KIAA0825: variants seen among roughly 807,000 people sequenced by gnomAD.
KIAA0825 encodes KIAA0825, also known as uncharacterized protein KIAA0825.
KIAA0825 carries 119 observed loss-of-function variants against 147.6 expected under a neutral mutation model. The ratio of observed to expected loss-of-function variants is 0.81; its 90% confidence interval spans 0.69 to 0.94. The LOEUF (loss-of-function observed/expected upper bound fraction) is 0.94, where lower values mean the gene tolerates loss of function less well. KIAA0825 is among the 40% of genes least tolerant of loss of function. The pLI, the probability that KIAA0825 is intolerant of heterozygous loss-of-function variation, is 0.00. For synonymous variants in KIAA0825, 470 were observed against 518.1 expected, an observed-to-expected ratio of 0.91 and a Z score of 1.26; for missense variants, 1,381 against 1,472.7, an observed-to-expected ratio of 0.94 and a Z score of 1.02.
chr5:94,396,485 G>A lies in KIAA0825; in HGVS notation c.2912C>T (p.Ala971Val). The change falls in exon 17 of 21, where the codon GCA becomes GTA. Residue 971 changes from alanine to valine, a missense_variant. Ala to Val is a moderately conservative substitution (Grantham distance 64). Coordinates refer to ENST00000682413, the MANE Select transcript of KIAA0825 (RefSeq NM_001145678.3). Reference sequence around the variant, plus strand: ...TAACTTGCTGATTACAATAGATACTGCCTGAGCAGTAAGCCTTGTGAAGCC... The same window carrying A: ...TAACTTGCTGATTACAATAGATACTACCTGAGCAGTAAGCCTTGTGAAGCC... Reference protein sequence around the residue: ...CKSFTRLTAQAVSIVISKLPT... With the variant: ...CKSFTRLTAQVVSIVISKLPT... 6.7e-7 allele frequency: 1 copy of A among 1,501,596 alleles called. No individual in the cohort carries two copies. The highest frequency in any genetic ancestry group is 8.9e-7 in the Non-Finnish European group (1 of 1,126,778). 93.0% of individuals were successfully genotyped at this position (1,501,596 alleles called of 1,614,324 possible). A position where few individuals can be genotyped will look rare whatever the true frequency, so the allele number is the denominator to read the frequency against.
rs1290132616 is a variant in KIAA0825, at chr5:94,224,625, G to A, written c.3711-70501C>T. 3.3e-5 allele frequency among the ~76,000 whole-genome samples: 5 copies of A among 152,222 alleles called. No homozygotes were observed. The East Asian group carries it at 5.8e-4, about 18-fold the overall frequency. ...AAATGTTTTTGATAATTAAGGATTC[G>A]TTGTATATATAGGAGTAAGTAATTT... is the stretch of plus-strand genomic sequence containing the variant. On this transcript the variant is annotated intron_variant, in intron 20 of 20. Coordinates refer to ENST00000682413, the MANE Select transcript of KIAA0825 (RefSeq NM_001145678.3).
At chr5:94,503,437 G>T (rs535616129) in intron 5 of KIAA0825, among the ~76,000 whole-genome samples, 88 of 152,200 alleles carry the variant, frequency 5.8e-4, no homozygotes, top group South Asian at 4.4e-3. Context: ...AAATGCTCCT[G>T]GTTACATTTT....
intron 20 of KIAA0825, among the ~76,000 whole-genome samples, chr5:94,252,036 G>A (rs1054056589): frequency 2.0e-5 from 3 of 151,942 alleles, no homozygotes; most frequent in Non-Finnish European, 2.9e-5. Flanking sequence ...AAAGCAATAT[G>A]ACTATTTGAA....
intron 11 of KIAA0825, among the ~76,000 whole-genome samples, chr5:94,463,112 A>T (rs9314113): frequency 1.3e-5 from 2 of 151,562 alleles, no homozygotes; most frequent in African/African-American, 4.8e-5. Flanking sequence ...TTTAATATTA[A>T]ATAAATTTGT....
chr5:94,500,883 T>C (rs1291207224), intron 5 of KIAA0825, among the ~76,000 whole-genome samples: 11 of 152,186 alleles, frequency 7.2e-5, no homozygotes, highest in Admixed American at 7.2e-4. Flanking sequence ...GTTCAAGCAA[T>C]TCCCCTGCCT....
chr5:94,192,437 T>A (rs1770754236), intron 20 of KIAA0825, among the ~76,000 whole-genome samples: 1 of 152,216 alleles, frequency 6.6e-6, no homozygotes, highest in South Asian at 2.1e-4. Flanking sequence ...TTTCTGATAA[T>A]CTAATTTTCT....
intron 20 of KIAA0825, among the ~76,000 whole-genome samples, chr5:94,302,983 AAAG>A (rs1293141434): frequency 2.6e-5 from 4 of 152,206 alleles, no homozygotes; most frequent in East Asian, 1.9e-4. Context: ...TTACTTTTAA[AAAG>A]AAGATGTTCA....
intron 20 of KIAA0825, among the ~76,000 whole-genome samples, chr5:94,334,008 T>A (rs989130203): frequency 6.6e-6 from 1 of 152,134 alleles, no homozygotes; most frequent in East Asian, 1.9e-4. Context: ...ATCAATATCA[T>A]GAAAATGGCC....
chr5:94,325,671 A>G (rs1780612493), intron 20 of KIAA0825, among the ~76,000 whole-genome samples: 1 of 151,996 alleles, frequency 6.6e-6, no homozygotes, highest in Non-Finnish European at 1.5e-5. Flanking sequence ...CCTGTAATAC[A>G]TACAATAGAG....
At chr5:94,172,333 G>C (rs962647267) in intron 20 of KIAA0825, among the ~76,000 whole-genome samples, 9 of 152,172 alleles carry the variant, frequency 5.9e-5, no homozygotes, top group African/African-American at 1.9e-4. Context: ...AGAACTATCA[G>C]TTTTGCAAAA....
intron 10 of KIAA0825, among the ~76,000 whole-genome samples, chr5:94,468,736 C>T (rs897983697): frequency 6.8e-6 from 1 of 147,374 alleles, no homozygotes; most frequent in Admixed American, 6.8e-5. Flanking sequence ...AATCAAACCA[C>T]AGGAACCTTC....
intron 15 of KIAA0825, among the ~76,000 whole-genome samples, chr5:94,411,358 T>G (rs1458222504): frequency 2.0e-5 from 3 of 152,104 alleles, no homozygotes; most frequent in Non-Finnish European, 4.4e-5. Context: ...AGTATCAAAA[T>G]AGAGAGTCCA....
At chr5:94,536,914 G>C (rs1772143686) in intron 3 of KIAA0825, 82 bp downstream of exon 3, 1 of 927,488 alleles carries the variant, frequency 1.1e-6, no homozygotes, top group East Asian at 2.6e-5. Flanking sequence ...AATTATCTAA[G>C]AGCAGGATAC....
intron 20 of KIAA0825, among the ~76,000 whole-genome samples, chr5:94,283,522 A>G (rs1227436992): frequency 1.3e-5 from 2 of 152,122 alleles, no homozygotes; most frequent in Non-Finnish European, 2.9e-5. Flanking sequence ...TAATAAAGTC[A>G]CTAAAAATAG....
chr5:94,494,785 A>G (rs542006315), intron 5 of KIAA0825, among the ~76,000 whole-genome samples: 7 of 152,292 alleles, frequency 4.6e-5, no homozygotes, highest in African/African-American at 1.7e-4. Flanking sequence ...CTCAGTTAAC[A>G]ATTCATTTTT....
At chr5:94,463,495 A>G (rs2150958420) in intron 11 of KIAA0825, among the ~76,000 whole-genome samples, 1 of 151,158 alleles carries the variant, frequency 6.6e-6, no homozygotes, top group Admixed American at 6.6e-5. Flanking sequence ...AATAGCCTTT[A>G]TAAACGTTTA....
At chr5:94,300,347 T>C (rs1177902016) in intron 20 of KIAA0825, among the ~76,000 whole-genome samples, 4 of 152,122 alleles carry the variant, frequency 2.6e-5, no homozygotes, top group Non-Finnish European at 5.9e-5. Flanking sequence ...TCCAAAAGCA[T>C]ATACATTTTA....
chr5:94,324,789 C>T (rs1322473401), intron 20 of KIAA0825, among the ~76,000 whole-genome samples: 1 of 151,406 alleles, frequency 6.6e-6, no homozygotes, highest in Non-Finnish European at 1.5e-5. Flanking sequence ...TACCTATATA[C>T]CTTTATTCAT....
intron 5 of KIAA0825, among the ~76,000 whole-genome samples, chr5:94,517,893 TAA>T (rs1045324802): frequency 4.1e-4 from 62 of 152,198 alleles, no homozygotes; most frequent in Non-Finnish European, 8.1e-4. Context: ...GTCAGACAGA[TAA>T]GTTTGAATCC....
Sources: allele counts gnomAD v4.1 joint callset (sites outside exome capture counted in the v4.1 genomes callset), GRCh38; gene constraint gnomAD v4.1.1; transcripts MANE v1.5; gene names NCBI Gene and HGNC (gene_info 2026-07-23, HGNC 2026-07-21).